Variants in CUL5 observed in about 807,000 individuals in gnomAD.
CUL5 encodes cullin-5.
CUL5 carries 26 observed loss-of-function variants against 108.8 expected under a neutral mutation model. The ratio of observed to expected loss-of-function variants is 0.24; its 90% CI spans 0.18 to 0.33. CUL5 has a LOEUF of 0.33. CUL5 is among the 10% of genes least tolerant of loss of function. CUL5 has a pLI of 1.00. For synonymous variants in CUL5, 334 were observed against 298.0 expected, an observed-to-expected ratio of 1.12 and a Z score of -1.25; for missense variants, 524 against 909.2, an observed-to-expected ratio of 0.58 and a Z score of 5.45.
At chr11:108,095,399 A>G in intron 15 of CUL5, 131 bp from the exon 16 acceptor site, 2 of 635,926 alleles carry the variant, frequency 3.1e-6, no homozygotes, top group Non-Finnish European at 5.2e-6. Flanking sequence ...AACGTCTTCT[A>G]AAATGTTTAT....
chr11:108,043,565 G>A (rs2135114006), intron 2 of CUL5, among the ~76,000 whole-genome samples: 1 of 152,300 alleles, frequency 6.6e-6, no homozygotes, highest in South Asian at 2.1e-4. Flanking sequence ...ATAGATTGGA[G>A]GGTTTCAAGA....
At chr11:108,048,043 A>G (rs992713470) in intron 3 of CUL5, among the ~76,000 whole-genome samples, 1 of 152,164 alleles carries the variant, frequency 6.6e-6, no homozygotes, top group South Asian at 2.1e-4. Context: ...AATTCTGAGC[A>G]GTTAATAGGA....
At chr11:108,033,989 A>G in intron 2 of CUL5, 78 bp downstream of exon 2, 2 of 845,510 alleles carry the variant, frequency 2.4e-6, no homozygotes, top group South Asian at 2.9e-5. Flanking sequence ...TGGAATGTGT[A>G]ACTCTAAGTT....
intron 13 of CUL5, among the ~76,000 whole-genome samples, chr11:108,093,221 G>A (rs1177253493): frequency 6.6e-6 from 1 of 152,202 alleles, no homozygotes; most frequent in Non-Finnish European, 1.5e-5. Flanking sequence ...ACTTGACAGA[G>A]TAAGCATCTT....
At chr11:108,038,957 G>A (rs778201876) in intron 2 of CUL5, among the ~76,000 whole-genome samples, 4 of 151,204 alleles carry the variant, frequency 2.6e-5, no homozygotes, top group Non-Finnish European at 4.4e-5. Context: ...GGTATTTTGG[G>A]TGGTATAAGA....
Position 108,098,409 on chromosome 11 carries a change from A to G in CUL5, c.2028A>G (p.Lys676=). 1 of 1,601,960 alleles carries G rather than the reference A, an allele frequency of 6.2e-7. No homozygotes were observed. Among genetic ancestry groups the G allele is most frequent in the Non-Finnish European group, 8.5e-7 (1 of 1,176,028 alleles). The change falls in exon 18 of 19, where the codon AAA becomes AAG. Residue 676 remains lysine (K), a synonymous_variant. Transcript: ENST00000393094. ...CTTGATGCAATTCTTTTTGTAGAAAAAATGCAAAGGTTCAGAAAAGGGGTA... is the reference window on the plus strand; with the variant it reads ...CTTGATGCAATTCTTTTTGTAGAAAGAATGCAAAGGTTCAGAAAAGGGGTA... ...FSVNQEFSLI[K]NAKVQKRGKI...
chr11:108,063,104 C>T (rs756571260), intron 7 of CUL5, among the ~76,000 whole-genome samples: 3 of 152,176 alleles, frequency 2.0e-5, no homozygotes, highest in Admixed American at 6.5e-5. Flanking sequence ...CTCAGCCTCC[C>T]AAAGTGCTGG....
intron 16 of CUL5, among the ~76,000 whole-genome samples, chr11:108,097,064 T>C (rs1266552820): frequency 6.6e-6 from 1 of 150,912 alleles, no homozygotes; most frequent in East Asian, 2.0e-4. Flanking sequence ...GTCCTCCAGG[T>C]TGGAGTTCAG....
intron 7 of CUL5, among the ~76,000 whole-genome samples, chr11:108,058,852 G>T (rs1239862707): frequency 6.6e-6 from 1 of 152,070 alleles, no homozygotes; most frequent in East Asian, 1.9e-4. Flanking sequence ...ATTATCACTC[G>T]CTGGGCCTAT....
intron 1 of CUL5, among the ~76,000 whole-genome samples, chr11:108,013,035 C>T (rs1025859588): frequency 6.6e-6 from 1 of 152,168 alleles, no homozygotes; most frequent in African/African-American, 2.4e-5. Flanking sequence ...TCTTCTCTCC[C>T]ACCCAATTGT....
At chr11:108,038,129 T>G (rs1483499305) in intron 2 of CUL5, among the ~76,000 whole-genome samples, 1 of 152,220 alleles carries the variant, frequency 6.6e-6, no homozygotes, top group East Asian at 1.9e-4. Context: ...TTTTAAAGCT[T>G]TATTACATTC....
At chr11:108,065,475 A>G (rs1863650300) in intron 7 of CUL5, among the ~76,000 whole-genome samples, 2 of 152,100 alleles carry the variant, frequency 1.3e-5, no homozygotes, top group African/African-American at 2.4e-5. Flanking sequence ...AGTCCTTACC[A>G]CTGGAATGGG....
intron 7 of CUL5, among the ~76,000 whole-genome samples, chr11:108,059,090 G>A (rs918361396): frequency 4.6e-5 from 7 of 152,180 alleles, no homozygotes; most frequent in African/African-American, 1.4e-4. Flanking sequence ...ATAGTGCACT[G>A]CATTCTCGAA....
chr11:108,049,765 T>C, intron 3 of CUL5, 125 bp from the exon 4 acceptor site: 1 of 715,336 alleles, frequency 1.4e-6, no homozygotes, highest in African/African-American at 1.8e-5. Flanking sequence ...TTTTAATTTC[T>C]TTTGGATATA....
At chr11:108,075,662 A>G (rs1364664404) in intron 10 of CUL5, among the ~76,000 whole-genome samples, 1 of 151,996 alleles carries the variant, frequency 6.6e-6, no homozygotes, top group East Asian at 1.9e-4. Flanking sequence ...CAGCCACCTG[A>G]GTTTCTGGGA....
At chr11:108,033,012 C>G (rs1448605448) in intron 1 of CUL5, among the ~76,000 whole-genome samples, 2 of 152,180 alleles carry the variant, frequency 1.3e-5, no homozygotes, top group Admixed American at 6.5e-5. Context: ...AAACCACTCT[C>G]AGGTTTGATA....
intron 9 of CUL5, 80 bp downstream of exon 9, chr11:108,072,542 G>A: frequency 8.2e-7 from 1 of 1,221,598 alleles, no homozygotes; most frequent in Non-Finnish European, 1.1e-6. Context: ...ATAGTGAGCG[G>A]TTACCAGAGG....
At chr11:108,050,818 A>G (rs953216137) in intron 4 of CUL5, among the ~76,000 whole-genome samples, 9 of 152,212 alleles carry the variant, frequency 5.9e-5, no homozygotes, top group Admixed American at 3.3e-4. Flanking sequence ...TAAATTCAGT[A>G]TATACTGTGC....
chr11:108,097,870 C>G (rs1177122842), intron 17 of CUL5, 116 bp downstream of exon 17: 1 of 584,248 alleles, frequency 1.7e-6, no homozygotes, highest in Non-Finnish European at 3.1e-6. Context: ...ACTGTCATCA[C>G]TCTAAACTTA....
Sources: gnomAD v4.1 joint callset for allele counts (sites outside exome capture counted in the v4.1 genomes callset) on GRCh38, gnomAD v4.1.1 for gene constraint, MANE v1.5 for transcripts, NCBI Gene and HGNC (gene_info 2026-07-23, HGNC 2026-07-21) for gene names.